The following MCM5 variants were observed in gnomAD, a reference collection of about 807,000 sequenced individuals.
MCM5 encodes minichromosome maintenance complex component 5.
A neutral mutation model predicts 79.9 loss-of-function variants in MCM5; 46 were observed. That is an observed-to-expected ratio of 0.58 (90% CI 0.45 to 0.74). MCM5 has a LOEUF of 0.74. Among genes scored for constraint, MCM5 ranks in the 30% least tolerant of loss-of-function variants. MCM5 has a pLI of 0.00. For synonymous variants in MCM5, 404 were observed against 390.5 expected (o/e 1.03, Z -0.41); for missense variants, 883 against 1,017.0 (o/e 0.87, Z 1.79).
At chr22:35,453,489 T>C in the MCM5 span, among the ~76,000 whole-genome samples, 1 of 147,454 alleles carries the variant, frequency 6.8e-6, no homozygotes, top group East Asian at 2.0e-4. Flanking sequence ...GAGGGACAGA[T>C]ACAGAGAGAC....
chr22:35,450,180 C>T, the MCM5 span, among the ~76,000 whole-genome samples: 1 of 152,158 alleles, frequency 6.6e-6, no homozygotes, highest in African/African-American at 2.4e-5. Context: ...GAATCTGCCT[C>T]CTGGGACTGT....
In MCM5 at chr22:35,412,558, G is replaced by A. The variant is rs778711454; in HGVS notation, c.968G>A (p.Arg323His). The change falls in exon 8 of 17, where the codon CGT becomes CAT. Residue 323 changes from arginine (R) to histidine (H), a missense_variant. This residue lies in a region of MCM5 where 455 missense variants were observed against 517.5 expected (regional missense o/e 0.88). Coordinates refer to ENST00000216122, the MANE Select transcript of MCM5 (RefSeq NM_006739.4). ...AVSPQEEEEF[R>H]RLAALPNVYE... ...AGCCCCCAGGAGGAGGAGGAGTTCC[G>A]TCGCCTGGCTGCCCTCCCAAATGTC... The A allele has an allele frequency of 1.3e-5, 20 of 1,580,152 alleles. No homozygotes were observed. The East Asian group carries it at 3.1e-4, about 24-fold the overall frequency.
At chr22:35,426,279 C>G (rs1247784778), downstream of MCM5, among the ~76,000 whole-genome samples, 2 of 152,148 alleles carry the variant, frequency 1.3e-5, no homozygotes, top group Admixed American at 1.3e-4. Context: ...GAAACACCTG[C>G]TTGTTGGGGA....
chr22:35,418,698 C>CAT (rs1253876915), intron 13 of MCM5, among the ~76,000 whole-genome samples: 2 of 151,772 alleles, frequency 1.3e-5, no homozygotes, highest in Non-Finnish European at 2.9e-5. Flanking sequence ...CACACACACA[C>CAT]ACACACACAC....
chr22:35,403,404 C>T lies in MCM5; in HGVS notation c.295-10C>T, dbSNP rs371736582. 5.3e-5 allele frequency: 86 copies of T among 1,614,196 alleles called. No homozygotes were observed. In the African/African-American group the frequency reaches 1.1e-3, roughly 21 times the overall value. On this transcript the variant is annotated splice_polypyrimidine_tract_variant and intron_variant, in intron 3 of 16. Coordinates refer to ENST00000216122, the MANE Select transcript of MCM5 (RefSeq NM_006739.4). Reference sequence around the variant, plus strand: ...AGTTACTAATAGCCTGTGCCCTTCCCTTTCTCCAGCTGGAGGAAGCTGCCA... The same window carrying T: ...AGTTACTAATAGCCTGTGCCCTTCCTTTTCTCCAGCTGGAGGAAGCTGCCA...
intron 6 of MCM5, chr22:35,410,250 C>T (rs1349526604): frequency 1.2e-5 from 2 of 165,016 alleles, no homozygotes; most frequent in African/African-American, 4.8e-5. Flanking sequence ...ATTTTGAAAA[C>T]AGGAAATGAA....
Position 35,424,981 on chromosome 22 carries a change from G to T in MCM5, c.*726G>T, listed in dbSNP as rs897818665. Reference sequence around the variant, plus strand: ...CAGGCAGGAACTAGGACTCCAGCCAGTTCTTTCCTGGTGGGCCACGTGTAA... The same window carrying T: ...CAGGCAGGAACTAGGACTCCAGCCATTTCTTTCCTGGTGGGCCACGTGTAA... On this transcript the variant is annotated 3_prime_UTR_variant, in exon 17 of 17. Transcript: ENST00000216122. The T allele has an allele frequency of 6.6e-6, 1 of 152,256 alleles. No individual in the cohort carries two copies. Among genetic ancestry groups the T allele is most frequent in the Non-Finnish European group, 1.5e-5 (1 of 68,050 alleles). 9.4% of individuals were successfully genotyped at this position (152,256 alleles called of 1,614,324 possible). A position where few individuals can be genotyped will look rare whatever the true frequency, so the allele number is the denominator to read the frequency against.
Position 35,421,370 on chromosome 22 carries a change from C to A in MCM5, c.1885C>A (p.Gln629Lys). ...GGAAGCCCTCAGCAAGATGAAGCTG[C>A]AGCCCTTCGCCACAGAGGCAGATGT... ...IAEALSKMKL[Q>K]PFATEADVEE... Residue 629 changes from glutamine to lysine, a missense_variant, in exon 15 of 17, where the codon CAG (glutamine) becomes AAG (lysine). By Grantham distance (53) the Gln-to-Lys change is moderately conservative (BLOSUM62 1). Coordinates refer to ENST00000216122, the MANE Select transcript of MCM5 (RefSeq NM_006739.4). 1 of 1,614,062 alleles carries A rather than the reference C, an allele frequency of 6.2e-7. No individual in the cohort carries two copies. Among genetic ancestry groups the A allele is most frequent in the South Asian group, 1.1e-5 (1 of 91,088 alleles).
chr22:35,433,781 C>T, the MCM5 span, among the ~76,000 whole-genome samples: 3,529 of 152,318 alleles, frequency 0.023, 61 homozygotes, highest in South Asian at 0.038. Flanking sequence ...CCTACCCCAC[C>T]CTCCCCATCC....
At chr22:35,401,418 C>T (rs1324969896) in intron 2 of MCM5, 2 of 471,312 alleles carry the variant, frequency 4.2e-6, no homozygotes, top group Admixed American at 4.7e-5. Flanking sequence ...AGATACTGTT[C>T]TGGGTGCTGG....
the MCM5 span, among the ~76,000 whole-genome samples, chr22:35,448,318 T>C: frequency 1.3e-5 from 2 of 152,150 alleles, no homozygotes; most frequent in African/African-American, 4.8e-5. Flanking sequence ...CTCTGCTCAT[T>C]CTGGGGTCCC....
intron 4 of MCM5, among the ~76,000 whole-genome samples, chr22:35,405,855 C>G (rs963838472): frequency 6.6e-6 from 1 of 151,578 alleles, no homozygotes; most frequent in Admixed American, 6.6e-5. Flanking sequence ...ACTAAAAATA[C>G]AAAAAGTTAG....
intron 5 of MCM5, 135 bp from the exon 6 acceptor site, chr22:35,408,273 C>T (rs1932276202): frequency 2.7e-6 from 2 of 734,438 alleles, no homozygotes; most frequent in Non-Finnish European, 2.2e-6. Context: ...GCCTGCCTGG[C>T]TTATCTCCAG....
intron 5 of MCM5, among the ~76,000 whole-genome samples, chr22:35,407,666 C>T (rs1477649503): frequency 6.6e-6 from 1 of 152,260 alleles, no homozygotes; most frequent in Non-Finnish European, 1.5e-5. Context: ...TCAGGCTTCT[C>T]TTCACATGTC....
At chr22:35,416,298 A>C (rs1601759916) in intron 10 of MCM5, 41 bp from the exon 11 acceptor site, 2 of 1,582,976 alleles carry the variant, frequency 1.3e-6, no homozygotes, top group Non-Finnish European at 1.7e-6. Flanking sequence ...CTGCTCCCTC[A>C]CTTCAGTAGG....
chr22:35,420,147 C>T lies in MCM5; in HGVS notation c.1832+135C>T, dbSNP rs372049299. On this transcript the variant is annotated intron_variant, in intron 14 of 16. Transcript: ENST00000216122. ...ATAGTAGCTCTGGGCAGGAAGAGTC[C>T]CTTTGGAGCATAAACTATGGCCTCC... 26 of 1,056,506 alleles carry T rather than the reference C, an allele frequency of 2.5e-5. No homozygotes were observed. In the African/African-American group the frequency reaches 4.2e-4, roughly 17 times the overall value. The allele number at this position is 1,056,506 out of a possible 1,614,324, so 65.4% of individuals were successfully genotyped here.
At chr22:35,433,921 C>T in the MCM5 span, among the ~76,000 whole-genome samples, 5,271 of 152,322 alleles carry the variant, frequency 0.035, 300 homozygotes, top group African/African-American at 0.11. Context: ...CATCCCTTCC[C>T]GTGCTGCAGA....
chr22:35,448,079 T>G, the MCM5 span, among the ~76,000 whole-genome samples: 5 of 152,162 alleles, frequency 3.3e-5, no homozygotes, highest in Admixed American at 2.6e-4. Flanking sequence ...ATGCGGTGTC[T>G]CATGTCTGCT....
rs1273128769 is a variant in MCM5, at chr22:35,416,661, C to T, written c.1437C>T (p.Asn479=). The T allele has an allele frequency of 3.1e-6, 5 of 1,614,072 alleles. No individual in the cohort carries two copies. In the East Asian group the frequency reaches 8.9e-5, roughly 29 times the overall value. The change falls in exon 12 of 17, where the codon AAC becomes AAT. Residue 479 remains asparagine, a synonymous_variant. Coordinates refer to ENST00000216122, the MANE Select transcript of MCM5 (RefSeq NM_006739.4). Reference sequence around the variant, plus strand: ...AGGCTGGGATCACCACCACCCTGAACTCCCGCTGCTCCGTCCTGGCTGCTG... The same window carrying T: ...AGGCTGGGATCACCACCACCCTGAATTCCCGCTGCTCCGTCCTGGCTGCTG... The part of the protein sequence containing the change: ...IAKAGITTTL[N]SRCSVLAAAN...
Sources: allele counts gnomAD v4.1 joint callset (sites outside exome capture counted in the v4.1 genomes callset), GRCh38; gene constraint gnomAD v4.1.1; regional missense constraint gnomAD v4.1.1; transcripts MANE v1.5; gene names NCBI Gene and HGNC (gene_info 2026-07-23, HGNC 2026-07-21).